Variants in UBR2 observed in about 807,000 individuals in gnomAD.
UBR2 encodes ubiquitin protein ligase E3 component n-recognin 2.
Under a neutral mutation model 247.9 loss-of-function variants are expected in UBR2, and 92 were observed. The observed-to-expected ratio is 0.37, with a 90% confidence interval of 0.31 to 0.44. The LOEUF (loss-of-function observed/expected upper bound fraction) is 0.44. Ranked by LOEUF, UBR2 falls within the 20% of genes least tolerant of loss-of-function variation. The pLI is 1.00. For synonymous variants in UBR2, 672 were observed against 693.5 expected (o/e 0.97, Z 0.49); for missense variants, 1,613 against 2,112.6 (o/e 0.76, Z 4.64).
chr6:42,684,727 G>A (rs1316257126), intron 43 of UBR2, 67 bp from the exon 44 acceptor site: 15 of 1,223,724 alleles, frequency 1.2e-5, no homozygotes, highest in Non-Finnish European at 1.5e-5. Context: ...TGTGCACATG[G>A]AAGTGCCTCA....
Position 42,686,009 on chromosome 6 carries a change from G to T in UBR2, c.4853+1138G>T, listed in dbSNP as rs76325885. Among the ~76,000 whole-genome samples the T allele has an allele frequency of 2.9e-3, 437 of 151,992 alleles. 2 individuals carry two copies. The highest frequency in any genetic ancestry group is 0.01 in the African/African-American group (421 of 41,458). ...CCTACTATTCTAAATGGAATATTAAGCATTCCATTCCTATACATTAACTAT... is the reference window on the plus strand; with the variant it reads ...CCTACTATTCTAAATGGAATATTAATCATTCCATTCCTATACATTAACTAT... On this transcript the variant is annotated intron_variant, in intron 44 of 46. Coordinates refer to ENST00000372901, the MANE Select transcript of UBR2 (RefSeq NM_001363705.2).
rs577907071 is a variant in UBR2, at chr6:42,564,411, C to A, written c.78+14C>A. ...GAGATTGCGGGGGTGAGTGCCGGAA[C>A]CCGGGCGGGTGCGTCTGCCCCTCGC... On this transcript the variant is annotated intron_variant, in intron 1 of 46. Coordinates refer to ENST00000372901, the MANE Select transcript of UBR2 (RefSeq NM_001363705.2). 6.2e-7 allele frequency: 1 copy of A among 1,605,570 alleles called. No individual in the cohort carries two copies. The highest frequency in any genetic ancestry group is 1.3e-5 in the African/African-American group (1 of 74,780).
chr6:42,678,148 AAC>A (rs1430585398), intron 40 of UBR2, among the ~76,000 whole-genome samples: 6 of 152,230 alleles, frequency 3.9e-5, no homozygotes, highest in Non-Finnish European at 8.8e-5. Flanking sequence ...CATCCTGGCT[AAC>A]ACAGCGAAAC....
Position 42,659,924 on chromosome 6 carries a change from T to C in UBR2, c.3442+69T>C. The C allele has an allele frequency of 6.8e-7, 1 of 1,478,448 alleles. No individual in the cohort carries two copies. The highest frequency in any genetic ancestry group is 2.3e-5 in the East Asian group (1 of 43,040). 91.6% of individuals were successfully genotyped at this position (1,478,448 alleles called of 1,614,324 possible). ...GCCAGTTAATGTGGTTGGTGATACG[T>C]TGAGATTTTTTAAACCTAAAAATAA... On this transcript the variant is annotated intron_variant, in intron 30 of 46. Coordinates refer to ENST00000372901, the MANE Select transcript of UBR2 (RefSeq NM_001363705.2). The surrounding 1 kb of genome is among the most constrained non-coding windows in gnomAD (Gnocchi z 4.3).
chr6:42,583,391 G>A (rs1792036890), intron 2 of UBR2, among the ~76,000 whole-genome samples: 1 of 152,032 alleles, frequency 6.6e-6, no homozygotes, highest in Non-Finnish European at 1.5e-5. Context: ...GGGATTCCAG[G>A]CATGCACCAC....
chr6:42,611,035 G>A (rs1271021058), intron 7 of UBR2, among the ~76,000 whole-genome samples: 1 of 150,742 alleles, frequency 6.6e-6, no homozygotes, highest in African/African-American at 2.4e-5. Context: ...TAGTAGAGAC[G>A]GGGTTTCACC....
At chr6:42,652,196 A>G (rs557241216) in intron 24 of UBR2, 125 bp downstream of exon 24, 2 of 944,036 alleles carry the variant, frequency 2.1e-6, no homozygotes, top group Admixed American at 5.3e-5. Flanking sequence ...CTAGTGAATA[A>G]CCTCCTATTC....
At chr6:42,588,385 A>G (rs536352852) in intron 2 of UBR2, among the ~76,000 whole-genome samples, 1 of 152,228 alleles carries the variant, frequency 6.6e-6, no homozygotes, top group East Asian at 1.9e-4. Context: ...GAATTTTTAT[A>G]GGGGCCAGGC....
intron 36 of UBR2, among the ~76,000 whole-genome samples, chr6:42,670,924 G>A (rs1275610324): frequency 2.0e-5 from 3 of 152,202 alleles, no homozygotes; most frequent in African/African-American, 4.8e-5. Context: ...AGTGGCCCAC[G>A]CCTGTAATCC....
chr6:42,609,246 G>GTA (rs527748159), intron 7 of UBR2, among the ~76,000 whole-genome samples: 7 of 152,322 alleles, frequency 4.6e-5, no homozygotes, highest in Non-Finnish European at 1.0e-4. Flanking sequence ...CAGTAAGTGT[G>GTA]TATACAGTGT....
intron 36 of UBR2, 65 bp downstream of exon 36, chr6:42,670,780 T>A: frequency 7.6e-7 from 1 of 1,312,796 alleles, no homozygotes; most frequent in Non-Finnish European, 1.1e-6. Context: ...CTGCTGCTTT[T>A]AATCTTATGG....
intron 11 of UBR2, among the ~76,000 whole-genome samples, chr6:42,622,466 A>G (rs1427891774): frequency 6.7e-6 from 1 of 149,790 alleles, no homozygotes; most frequent in Non-Finnish European, 1.5e-5. Context: ...CAGTGGTGCA[A>G]TCTCAGTTCA....
Position 42,644,225 on chromosome 6 carries a change from C to T in UBR2, c.2109C>T (p.Ser703=). 1 of 1,607,718 alleles carries T rather than the reference C, an allele frequency of 6.2e-7. No individual in the cohort carries two copies. The highest frequency in any genetic ancestry group is 8.5e-7 in the Non-Finnish European group (1 of 1,178,632). ...AAAAAAAAAAAAAGACAGGTGTCTC[C>T]ATGATGGATCCAAATCATTTCCTGA... The part of the protein sequence containing the change: ...KDVVMLQTGV[S]MMDPNHFLMI... Residue 703 remains serine (S), a synonymous_variant, in exon 19 of 47, where the codon TCC becomes TCT. Transcript: ENST00000372901.
intron 42 of UBR2, among the ~76,000 whole-genome samples, chr6:42,680,896 C>A (rs1799000851): frequency 6.6e-6 from 1 of 152,140 alleles, no homozygotes; most frequent in South Asian, 2.1e-4. Flanking sequence ...GGCGCGGTGG[C>A]TCACGCCTGT....
intron 1 of UBR2, among the ~76,000 whole-genome samples, chr6:42,564,975 A>G (rs1299080532): frequency 3.9e-5 from 6 of 152,156 alleles, no homozygotes; most frequent in Middle Eastern, 3.4e-3. Flanking sequence ...ACGTTGATGC[A>G]TGTGTGGAAA....
At chr6:42,683,234 T>C in intron 43 of UBR2, 123 bp downstream of exon 43, 2 of 694,368 alleles carry the variant, frequency 2.9e-6, no homozygotes, top group Non-Finnish European at 2.3e-6. Context: ...GGTTAAGATA[T>C]GTTGCCTTCA....
intron 2 of UBR2, among the ~76,000 whole-genome samples, chr6:42,583,992 ATTT>A (rs199507142): frequency 0.013 from 1,579 of 120,538 alleles, 14 homozygotes; most frequent in African/African-American, 0.034. Context: ...TCCCCATTGA[ATTT>A]TTTTTTTTTT....
At chr6:42,619,058 A>G (rs1407715862) in intron 11 of UBR2, among the ~76,000 whole-genome samples, 2 of 152,102 alleles carry the variant, frequency 1.3e-5, no homozygotes, top group Admixed American at 1.3e-4. Flanking sequence ...TCCTTCATTG[A>G]ACCATTTCCA....
In UBR2 at chr6:42,659,516, T is replaced by A. The variant is rs12174769; in HGVS notation, c.3243-140T>A. 9 of 509,946 alleles carry A rather than the reference T, an allele frequency of 1.8e-5. No homozygotes were observed. 31.6% of individuals were successfully genotyped at this position (509,946 alleles called of 1,614,324 possible). A position where few individuals can be genotyped will look rare whatever the true frequency, so the allele number is the denominator to read the frequency against. ...CTCTGTCTCAAAAAATAAATAAATATATATACACACACACACACACACACA... is the reference window on the plus strand; with the variant it reads ...CTCTGTCTCAAAAAATAAATAAATAAATATACACACACACACACACACACA... On this transcript the variant is annotated intron_variant, in intron 29 of 46. Transcript: ENST00000372901. This position sits in a 1 kb window ranked among gnomAD's most constrained non-coding sequence, Gnocchi z 4.3.
Sources: allele counts gnomAD v4.1 joint callset (sites outside exome capture counted in the v4.1 genomes callset), GRCh38; gene constraint gnomAD v4.1.1; non-coding constraint Gnocchi (gnomAD v3.1); transcripts MANE v1.5; gene names NCBI Gene and HGNC (gene_info 2026-07-23, HGNC 2026-07-21).